The following NRXN1 variants were observed in gnomAD, a reference collection of about 807,000 sequenced individuals.
NRXN1 encodes neurexin 1.
A neutral mutation model predicts 150.9 loss-of-function variants in NRXN1; 39 were observed. The ratio of observed to expected loss-of-function variants is 0.26; its 90% CI spans 0.20 to 0.34. The LOEUF (loss-of-function observed/expected upper bound fraction) is 0.34, where lower values mean the gene tolerates loss of function less well. Among genes scored for constraint, NRXN1 ranks in the 10% least tolerant of loss-of-function variants. The pLI, the probability that NRXN1 is intolerant of heterozygous loss-of-function variation, is 1.00. For synonymous variants in NRXN1, 924 were observed against 757.0 expected, an observed-to-expected ratio of 1.22 and a Z score of -3.62; for missense variants, 1,815 against 1,949.9, an observed-to-expected ratio of 0.93 and a Z score of 1.30.
chr2:50,154,134 T>G (rs1244817493), intron 18 of NRXN1, among the ~76,000 whole-genome samples: 1 of 151,760 alleles, frequency 6.6e-6, no homozygotes, highest in Non-Finnish European at 1.5e-5. Context: ...AAAGACAGAT[T>G]CCTGGTGCTT....
intron 22 of NRXN1, among the ~76,000 whole-genome samples, chr2:49,930,408 G>A (rs1034580345): frequency 2.6e-5 from 4 of 152,064 alleles, no homozygotes; most frequent in African/African-American, 9.7e-5. Context: ...TAGGAAAAAA[G>A]ACAAACAACC....
At chr2:50,055,117 T>A (rs538051907) in intron 19 of NRXN1, 73 bp from the exon 20 acceptor site, 2 of 1,029,800 alleles carry the variant, frequency 1.9e-6, no homozygotes, top group Non-Finnish European at 2.8e-6. Flanking sequence ...TACTTAAAGA[T>A]TGAGCTATAC....
chr2:50,272,456 GA>G (rs1332600620), intron 17 of NRXN1, among the ~76,000 whole-genome samples: 1 of 152,110 alleles, frequency 6.6e-6, no homozygotes, highest in Non-Finnish European at 1.5e-5. Context: ...ACTGGAGGTA[GA>G]AAAAAGTGGC....
intron 18 of NRXN1, among the ~76,000 whole-genome samples, chr2:50,141,589 G>A (rs968465429): frequency 2.0e-5 from 3 of 151,946 alleles, no homozygotes; most frequent in Non-Finnish European, 2.9e-5. Flanking sequence ...AATAAACAAG[G>A]AGCTGAAACA....
At chr2:50,151,381 C>A (rs2152772698) in intron 18 of NRXN1, among the ~76,000 whole-genome samples, 1 of 151,178 alleles carries the variant, frequency 6.6e-6, no homozygotes, top group East Asian at 1.9e-4. Context: ...AAAAAAAAAT[C>A]AATGAAAGTG....
chr2:49,958,174 T>A (rs887881780), intron 21 of NRXN1, among the ~76,000 whole-genome samples: 1 of 152,126 alleles, frequency 6.6e-6, no homozygotes, highest in Non-Finnish European at 1.5e-5. Flanking sequence ...GGAGCTTCAT[T>A]AGAGAATTTG....
chr2:50,576,971 T>C (rs1202631678), intron 8 of NRXN1, among the ~76,000 whole-genome samples: 1 of 152,128 alleles, frequency 6.6e-6, no homozygotes, highest in Non-Finnish European at 1.5e-5. Flanking sequence ...TTTTCTGACA[T>C]TTTAATGATA....
intron 17 of NRXN1, among the ~76,000 whole-genome samples, chr2:50,397,465 G>A (rs2082122213): frequency 6.6e-6 from 1 of 152,104 alleles, no homozygotes; most frequent in African/African-American, 2.4e-5. Flanking sequence ...AATGCTAACA[G>A]CAACGAGTAG....
At chr2:50,763,994 G>C (rs1013181772) in intron 5 of NRXN1, among the ~76,000 whole-genome samples, 5 of 150,520 alleles carry the variant, frequency 3.3e-5, no homozygotes, top group African/African-American at 1.2e-4. Flanking sequence ...TAAAGAGAAA[G>C]TTAAGACTGT....
chr2:50,245,268 C>A lies in NRXN1; in HGVS notation c.3365-8298G>T, dbSNP rs1037057151. Among the ~76,000 whole-genome samples, 4 of 151,838 alleles carry A rather than the reference C, an allele frequency of 2.6e-5. No homozygotes were observed. In the Admixed American group the frequency reaches 2.6e-4, roughly 10 times the overall value. On this transcript the variant is annotated intron_variant, in intron 17 of 22. Transcript: ENST00000401669. ...CAGGTTACCTGGCTGAGTAGAAAAA[C>A]AGGTAAGTAGTAGAACTTTTGCCAA... is the stretch of plus-strand genomic sequence containing the variant.
intron 5 of NRXN1, among the ~76,000 whole-genome samples, chr2:50,632,036 A>G (rs1440664349): frequency 6.6e-6 from 1 of 152,020 alleles, no homozygotes; most frequent in African/African-American, 2.4e-5. Flanking sequence ...TAAGTAAATT[A>G]TAATAATGTT....
intron 17 of NRXN1, among the ~76,000 whole-genome samples, chr2:50,395,781 C>T (rs1572816627): frequency 6.6e-6 from 1 of 152,154 alleles, no homozygotes; most frequent in Non-Finnish European, 1.5e-5. Context: ...AGTCAGACAA[C>T]TTGTCCTACA....
At chr2:50,353,376 C>T (rs1036985683) in intron 17 of NRXN1, among the ~76,000 whole-genome samples, 26 of 152,058 alleles carry the variant, frequency 1.7e-4, no homozygotes, top group Non-Finnish European at 3.4e-4. Context: ...ATTGTTTCAA[C>T]CGATTTCTGT....
chr2:50,962,655 T>C (rs917600650), intron 2 of NRXN1, among the ~76,000 whole-genome samples: 13 of 151,694 alleles, frequency 8.6e-5, no homozygotes, highest in Non-Finnish European at 1.3e-4. Flanking sequence ...ACTTAACTAT[T>C]AGTTTTGCCT....
intron 18 of NRXN1, among the ~76,000 whole-genome samples, chr2:50,180,338 T>C (rs1375988001): frequency 6.6e-6 from 1 of 152,126 alleles, no homozygotes; most frequent in South Asian, 2.1e-4. Flanking sequence ...TTTTTGTTTT[T>C]AATGATAATA....
chr2:50,702,976 A>G (rs1267868185), intron 5 of NRXN1, among the ~76,000 whole-genome samples: 1 of 152,122 alleles, frequency 6.6e-6, no homozygotes, highest in African/African-American at 2.4e-5. Flanking sequence ...AACAAGAGAC[A>G]GAAGTTAAAT....
At chr2:50,776,087 G>T (rs1472477637) in intron 5 of NRXN1, among the ~76,000 whole-genome samples, 2 of 152,050 alleles carry the variant, frequency 1.3e-5, no homozygotes. Context: ...CTGTCATTTT[G>T]ACAGTACTGA....
chr2:50,781,652 T>C (rs1704366011), intron 5 of NRXN1, among the ~76,000 whole-genome samples: 1 of 152,360 alleles, frequency 6.6e-6, no homozygotes, highest in East Asian at 1.9e-4. Flanking sequence ...CTAAAGAGGT[T>C]ATATAAATAG....
chr2:50,281,514 G>A (rs1293488462), intron 17 of NRXN1, among the ~76,000 whole-genome samples: 1 of 151,730 alleles, frequency 6.6e-6, no homozygotes, highest in Non-Finnish European at 1.5e-5. Flanking sequence ...GGATTGTTGA[G>A]GCTCAAATGA....
Sources: gnomAD v4.1 joint callset for allele counts (sites outside exome capture counted in the v4.1 genomes callset) on GRCh38, gnomAD v4.1.1 for gene constraint, MANE v1.5 for transcripts, NCBI Gene and HGNC (gene_info 2026-07-23, HGNC 2026-07-21) for gene names.